GRIN2B: variants seen among roughly 807,000 people sequenced by gnomAD.
The protein encoded by GRIN2B is glutamate ionotropic receptor NMDA type subunit 2B, also known as glutamate receptor ionotropic, NMDA 2B.
A neutral mutation model predicts 114.5 loss-of-function variants in GRIN2B; 5 were observed. The ratio of observed to expected loss-of-function variants is 0.04; its 90% CI spans 0.02 to 0.09. GRIN2B has a LOEUF of 0.09. Ranked by LOEUF, GRIN2B falls within the 10% of genes least tolerant of loss-of-function variation. The pLI, the probability that GRIN2B is intolerant of heterozygous loss-of-function variation, is 1.00. For missense variants in GRIN2B, 1,108 were observed against 1,943.5 expected (o/e 0.57, Z 8.08); for synonymous variants, 787 against 745.1 (o/e 1.06, Z -0.92).
intron 4 of GRIN2B, among the ~76,000 whole-genome samples, chr12:13,686,572 G>C (rs1356012041): frequency 6.6e-6 from 1 of 151,808 alleles, no homozygotes; most frequent in Admixed American, 6.6e-5. Flanking sequence ...TTTTTGACCA[G>C]GGCAAATCAC....
At chr12:13,954,803 C>T (rs781268114) in intron 2 of GRIN2B, among the ~76,000 whole-genome samples, 8 of 8,692 alleles carry the variant, frequency 9.2e-4, no homozygotes, top group Non-Finnish European at 4.3e-3. Flanking sequence ...AGTGAGACTC[C>T]GTCTCAGGAA....
At chr12:13,786,950 T>C (rs1864233258) in intron 3 of GRIN2B, among the ~76,000 whole-genome samples, 1 of 151,634 alleles carries the variant, frequency 6.6e-6, no homozygotes, top group African/African-American at 2.4e-5. Flanking sequence ...AATACAGGCT[T>C]CAAAGGAGAA....
intron 3 of GRIN2B, among the ~76,000 whole-genome samples, chr12:13,857,854 A>C (rs1047298903): frequency 6.6e-6 from 1 of 152,150 alleles, no homozygotes; most frequent in African/African-American, 2.4e-5. Context: ...CTTCTAATCC[A>C]ATACCAACCC....
At chr12:13,900,388 T>G (rs1866425528) in intron 2 of GRIN2B, among the ~76,000 whole-genome samples, 1 of 151,454 alleles carries the variant, frequency 6.6e-6, no homozygotes, top group African/African-American at 2.4e-5. Flanking sequence ...GGCAGGAGAA[T>G]CACTTGAACC....
At chr12:13,845,163 GATC>G (rs984800331) in intron 3 of GRIN2B, among the ~76,000 whole-genome samples, 1 of 152,138 alleles carries the variant, frequency 6.6e-6, no homozygotes, top group African/African-American at 2.4e-5. Flanking sequence ...AGTGTTCTTT[GATC>G]ATTGAAGAGT....
At chr12:13,910,804 T>C (rs1375592877) in intron 2 of GRIN2B, among the ~76,000 whole-genome samples, 2 of 152,236 alleles carry the variant, frequency 1.3e-5, no homozygotes, top group Non-Finnish European at 2.9e-5. Flanking sequence ...GCATCTTTCA[T>C]AGATTTTTAC....
In GRIN2B at chr12:13,788,821, G is replaced by T. The variant is rs547018668; in HGVS notation, c.412-34906C>A. 1.7e-3 allele frequency among the ~76,000 whole-genome samples: 256 copies of T among 152,282 alleles called. 1 individual carries two copies. Among genetic ancestry groups the T allele is most frequent in the Non-Finnish European group, 2.4e-3 (161 of 68,022 alleles). ...GGACTTTGCTAGAACTATCTTTGCTGCTAGGAGAGACCACTTCCCTTTTTC... is the reference window on the plus strand; with the variant it reads ...GGACTTTGCTAGAACTATCTTTGCTTCTAGGAGAGACCACTTCCCTTTTTC... On this transcript the variant is annotated intron_variant, in intron 3 of 13. Coordinates refer to ENST00000609686, the MANE Select transcript of GRIN2B (RefSeq NM_000834.5).
At chr12:13,773,043 T>C (rs192312465) in intron 3 of GRIN2B, among the ~76,000 whole-genome samples, 343 of 152,232 alleles carry the variant, frequency 2.3e-3, no homozygotes, top group African/African-American at 7.7e-3. Context: ...TAGGAAGAAC[T>C]CTTGAGCAGC....
chr12:13,808,652 G>T (rs1864660290), intron 3 of GRIN2B, among the ~76,000 whole-genome samples: 1 of 151,226 alleles, frequency 6.6e-6, no homozygotes, highest in East Asian at 1.9e-4. Flanking sequence ...TAAATGATGA[G>T]TTAATGGGTG....
At chr12:13,764,045 G>A (rs1390299357) in intron 3 of GRIN2B, among the ~76,000 whole-genome samples, 1 of 152,022 alleles carries the variant, frequency 6.6e-6, no homozygotes, top group Non-Finnish European at 1.5e-5. Context: ...AAGTTTCATT[G>A]AGAGTGCAAT....
rs1457357568 is a variant in GRIN2B, at chr12:13,749,073, CA to C, written c.1010+4243del. 2.6e-5 allele frequency among the ~76,000 whole-genome samples: 4 copies of C among 152,198 alleles called. No individual in the cohort carries two copies. The East Asian group carries it at 7.7e-4, about 29-fold the overall frequency. Reference sequence around the variant, plus strand: ...AAGCTTCAAGGAGTTAAGAAGTTATCAGTGAGGAATTTGGATTAACACCTGA... The same window carrying C: ...AAGCTTCAAGGAGTTAAGAAGTTATCGTGAGGAATTTGGATTAACACCTGA... On this transcript the variant is annotated intron_variant, in intron 4 of 13. Transcript: ENST00000609686.
chr12:13,675,022 T>C (rs1307215932), intron 5 of GRIN2B, among the ~76,000 whole-genome samples: 9 of 152,170 alleles, frequency 5.9e-5, no homozygotes. Flanking sequence ...GGAATACTTG[T>C]ATTCAACTGG....
chr12:13,968,227 G>A (rs1461523901), intron 2 of GRIN2B, among the ~76,000 whole-genome samples: 3 of 152,246 alleles, frequency 2.0e-5, no homozygotes, highest in African/African-American at 7.2e-5. Context: ...GAGAGTGGAT[G>A]CATTGAATTC....
intron 3 of GRIN2B, among the ~76,000 whole-genome samples, chr12:13,864,879 G>A (rs978879718): frequency 7.2e-5 from 11 of 152,148 alleles, no homozygotes; most frequent in African/African-American, 1.9e-4. Context: ...TCAGAATCCC[G>A]AGGGGTGGGA....
rs934481545 is a variant in GRIN2B at position 13,553,880 on chromosome 12, C to T, written c.*8903G>A. 1.3e-5 allele frequency: 2 copies of T among 152,098 alleles called. No homozygotes were observed. Among genetic ancestry groups the T allele is most frequent in the African/African-American group, 4.8e-5 (2 of 41,404 alleles). The allele number at this position is 152,098 out of a possible 1,614,324, so 9.4% of individuals were successfully genotyped here. On this transcript the variant is annotated 3_prime_UTR_variant, in exon 14 of 14. Coordinates refer to ENST00000609686, the MANE Select transcript of GRIN2B (RefSeq NM_000834.5). ...TAGTGTTCCAAGTACACTTTCCTAA[C>T]CATAAAACAGTCCAAAACAACTTCA...
intron 4 of GRIN2B, among the ~76,000 whole-genome samples, chr12:13,682,043 G>C (rs1950135565): frequency 6.6e-6 from 1 of 152,118 alleles, no homozygotes; most frequent in Non-Finnish European, 1.5e-5. Flanking sequence ...ACTGGTATTG[G>C]AGAAAAGAGG....
intron 2 of GRIN2B, among the ~76,000 whole-genome samples, chr12:13,971,325 C>A (rs546895338): frequency 1.3e-5 from 2 of 152,278 alleles, no homozygotes; most frequent in Non-Finnish European, 2.9e-5. Context: ...ATTCATAAAT[C>A]TGGGTTTTTT....
rs1948233968 is a variant in GRIN2B at position 13,538,079 on chromosome 12, GA to G, written c.*24703del. ...AGTTTGCATTTGTAAAAGAATAGGG[GA>G]ATAGAAATATTCAAATCAAGTGTTC... On this transcript the variant is annotated 3_prime_UTR_variant, in exon 14 of 14. Transcript: ENST00000609686. 6.6e-6 allele frequency: 1 copy of G among 152,166 alleles called. No homozygotes were observed. The highest frequency in any genetic ancestry group is 1.5e-5 in the Non-Finnish European group (1 of 68,034). The allele number at this position is 152,166 out of a possible 1,614,324, so 9.4% of individuals were successfully genotyped here. A position where few individuals can be genotyped will look rare whatever the true frequency, so the allele number is the denominator to read the frequency against.
chr12:13,679,602 C>T (rs1044839095), intron 4 of GRIN2B, among the ~76,000 whole-genome samples: 54 of 152,148 alleles, frequency 3.5e-4, no homozygotes, highest in Non-Finnish European at 8.8e-5. Flanking sequence ...AGTATCCTTT[C>T]ATCATTCATA....
Sources: allele counts gnomAD v4.1 joint callset (sites outside exome capture counted in the v4.1 genomes callset), GRCh38; gene constraint gnomAD v4.1.1; transcripts MANE v1.5; gene names NCBI Gene and HGNC (gene_info 2026-07-23, HGNC 2026-07-21).